LAMA3: variants seen among roughly 807,000 people sequenced by gnomAD.
LAMA3 encodes the protein laminin subunit alpha 3.
Under a neutral mutation model 402.0 loss-of-function variants are expected in LAMA3, and 281 were observed. The observed-to-expected ratio is 0.70, with a 90% CI of 0.63 to 0.77. The LOEUF is 0.77. Ranked by LOEUF, LAMA3 falls within the 30% of genes least tolerant of loss-of-function variation. The pLI, the probability that LAMA3 is intolerant of heterozygous loss-of-function variation, is 0.00. For synonymous variants in LAMA3, 1,431 were observed against 1,558.4 expected, an observed-to-expected ratio of 0.92 and a Z score of 1.93; for missense variants, 3,840 against 4,215.5, an observed-to-expected ratio of 0.91 and a Z score of 2.47.
At chr18:23,938,077 C>T (rs2082365954) in intron 67 of LAMA3, among the ~76,000 whole-genome samples, 1 of 152,130 alleles carries the variant, frequency 6.6e-6, no homozygotes, top group African/African-American at 2.4e-5. Flanking sequence ...CCTCTTGGCT[C>T]CATCCTGGGT....
At chr18:23,703,905 T>C (rs995559607) in intron 1 of LAMA3, among the ~76,000 whole-genome samples, 1 of 152,168 alleles carries the variant, frequency 6.6e-6, no homozygotes, top group African/African-American at 2.4e-5. Context: ...CTAAATGCCT[T>C]TGTGACTCTC....
chr18:23,761,149 TC>T (rs1449004335), intron 7 of LAMA3, among the ~76,000 whole-genome samples: 1 of 152,332 alleles, frequency 6.6e-6, no homozygotes, highest in African/African-American at 2.4e-5. Flanking sequence ...TTTAGCTATT[TC>T]CCCATGTTTT....
intron 32 of LAMA3, among the ~76,000 whole-genome samples, chr18:23,848,040 C>A (rs2063860412): frequency 6.6e-6 from 1 of 152,216 alleles, no homozygotes; most frequent in African/African-American, 2.4e-5. Flanking sequence ...TGGTGAGCAC[C>A]TGTCCATTTG....
intron 44 of LAMA3, among the ~76,000 whole-genome samples, chr18:23,895,337 A>G (rs796727654): frequency 2.0e-5 from 3 of 152,308 alleles, no homozygotes; most frequent in African/African-American, 7.2e-5. Context: ...ACTCAAACAC[A>G]GGTTTGTGTT....
chr18:23,916,500 A>C, intron 59 of LAMA3, 51 bp from the exon 60 acceptor site: 1 of 1,596,856 alleles, frequency 6.3e-7, no homozygotes, highest in Non-Finnish European at 8.6e-7. Context: ...GCACACTGGC[A>C]TGGTGATCAT....
At position 23,761,670 on chromosome 18, in the gene LAMA3, C is replaced by G. The variant is rs1431116676; in HGVS notation, c.1064-1735C>G. ...ATAGTGGTAGTAATAATATTCTCTT[C>G]GTGCATGAAGTTTAATTGGCATTTG... On this transcript the variant is annotated intron_variant, in intron 7 of 74. Coordinates refer to ENST00000313654, the MANE Select transcript of LAMA3 (RefSeq NM_198129.4). Among the ~76,000 whole-genome samples the G allele has an allele frequency of 2.6e-5, 4 of 151,992 alleles. No homozygotes were observed. The East Asian group carries it at 7.7e-4, about 29-fold the overall frequency.
At chr18:23,741,011 T>TG (rs1917070969) in intron 2 of LAMA3, among the ~76,000 whole-genome samples, 1 of 151,786 alleles carries the variant, frequency 6.6e-6, no homozygotes. Context: ...TGGAGTGCAG[T>TG]GGTGCGACCT....
In LAMA3 at chr18:23,839,661, C is replaced by G; in HGVS notation, c.3192-124C>G. 1.0e-6 allele frequency: 1 copy of G among 977,160 alleles called. No homozygotes were observed. Among genetic ancestry groups the G allele is most frequent in the Non-Finnish European group, 1.6e-6 (1 of 620,164 alleles). The allele number at this position is 977,160 out of a possible 1,614,324, so 60.5% of individuals were successfully genotyped here. A position where few individuals can be genotyped will look rare whatever the true frequency, so the allele number is the denominator to read the frequency against. ...AAGATCCCTAGAGTTCTGTGCTTCCCCCAGCACTGGATCCTTTTGATGCCC... is the reference window on the plus strand; with the variant it reads ...AAGATCCCTAGAGTTCTGTGCTTCCGCCAGCACTGGATCCTTTTGATGCCC... On this transcript the variant is annotated intron_variant, in intron 26 of 74. Transcript: ENST00000313654. This position sits in a 1 kb window ranked among gnomAD's most constrained non-coding sequence, Gnocchi z 4.5.
rs1555709710 is a variant in LAMA3, at chr18:23,842,522, G to A, written c.3463+1G>A. On this transcript the variant is annotated splice_donor_variant, in intron 28 of 74. Transcript: ENST00000313654. LOFTEE classifies it high-confidence loss of function. ...GTGGATGGCGGGTGGCCACGGGCAGGTGAGCTGCAGTGAGCAGGCCCTGCT... is the reference window on the plus strand; with the variant it reads ...GTGGATGGCGGGTGGCCACGGGCAGATGAGCTGCAGTGAGCAGGCCCTGCT... The A allele has an allele frequency of 5.0e-6, 8 of 1,614,246 alleles. No individual in the cohort carries two copies. The highest frequency in any genetic ancestry group is 6.8e-6 in the Non-Finnish European group (8 of 1,180,054).
intron 39 of LAMA3, among the ~76,000 whole-genome samples, chr18:23,877,637 G>C (rs1043355501): frequency 6.6e-6 from 1 of 152,234 alleles, no homozygotes; most frequent in Non-Finnish European, 1.5e-5. Flanking sequence ...GGACAGGCTA[G>C]AAGAGGAAAT....
At chr18:23,711,341 C>G (rs529419714) in intron 1 of LAMA3, among the ~76,000 whole-genome samples, 1 of 152,220 alleles carries the variant, frequency 6.6e-6, no homozygotes, top group African/African-American at 2.4e-5. Flanking sequence ...TTAGTGCCTA[C>G]TAATTGTGAG....
Position 23,713,946 on chromosome 18 carries a change from T to C in LAMA3, c.321T>C (p.Ser107=). The C allele has an allele frequency of 6.2e-7, 1 of 1,614,004 alleles. No homozygotes were observed. Among genetic ancestry groups the C allele is most frequent in the Non-Finnish European group, 8.5e-7 (1 of 1,179,986 alleles). Residue 107 remains serine (S), a synonymous_variant, in exon 2 of 75, where the codon TCT becomes TCC. Coordinates refer to ENST00000313654, the MANE Select transcript of LAMA3 (RefSeq NM_198129.4). ...IQGQFCDYCN[S]EDPRKAHPVT... ...GCCAGTTCTGTGACTATTGCAATTC[T>C]GAAGACCCCAGGAAAGCACATCCTG...
At chr18:23,698,351 C>T (rs1233747581) in intron 1 of LAMA3, among the ~76,000 whole-genome samples, 3 of 151,998 alleles carry the variant, frequency 2.0e-5, no homozygotes, top group East Asian at 1.9e-4. Context: ...GGACTACAGG[C>T]GCCTGCCATC....
chr18:23,909,055 C>A, intron 54 of LAMA3, 98 bp from the exon 55 acceptor site: 3 of 1,195,176 alleles, frequency 2.5e-6, no homozygotes, highest in Non-Finnish European at 3.7e-6. Flanking sequence ...ATCTGGGGAC[C>A]AAACATGCCA....
chr18:23,729,260 T>C (rs748667283), intron 2 of LAMA3, among the ~76,000 whole-genome samples: 12 of 152,058 alleles, frequency 7.9e-5, no homozygotes, highest in Non-Finnish European at 1.3e-4. Flanking sequence ...TAGGAGAATG[T>C]CTGGTATGTA....
At chr18:23,786,796 A>G (rs1027811946) in intron 12 of LAMA3, among the ~76,000 whole-genome samples, 1 of 152,248 alleles carries the variant, frequency 6.6e-6, no homozygotes, top group Non-Finnish European at 1.5e-5. Context: ...GAGAATATCA[A>G]TAAAGAGATA....
In LAMA3 at chr18:23,714,073, G is replaced by A. The variant is rs868817078; in HGVS notation, c.447+1G>A. ...CAACCTCACCTTGGATCTGGGGCAG[G>A]TGAGCTACACTTTTAACTGGAATGG... On this transcript the variant is annotated splice_donor_variant, in intron 2 of 74. Transcript: ENST00000313654. LOFTEE classifies it high-confidence loss of function. The A allele has an allele frequency of 6.2e-7, 1 of 1,613,608 alleles. No individual in the cohort carries two copies.
intron 1 of LAMA3, among the ~76,000 whole-genome samples, chr18:23,699,055 A>AGAGAGAGAGAGAGAGAGAGAG (rs1491307641): frequency 6.7e-6 from 1 of 149,360 alleles, no homozygotes; most frequent in African/African-American, 2.5e-5. Flanking sequence ...AGAGAGAGAG[A>AGAGAGAGAGAGAGAGAGAGAG]AAGAAAAGAA....
chr18:23,949,155 C>T (rs2082817241), intron 70 of LAMA3, among the ~76,000 whole-genome samples: 1 of 152,204 alleles, frequency 6.6e-6, no homozygotes, highest in African/African-American at 2.4e-5. Flanking sequence ...GGGCTCCACG[C>T]AAGCCCACTG....
Sources: allele counts gnomAD v4.1 joint callset (sites outside exome capture counted in the v4.1 genomes callset), GRCh38; gene constraint gnomAD v4.1.1; non-coding constraint Gnocchi (gnomAD v3.1); transcripts MANE v1.5; gene names NCBI Gene and HGNC (gene_info 2026-07-23, HGNC 2026-07-21).